Variants in RORA observed in about 807,000 individuals in gnomAD.
RORA encodes the protein RAR related orphan receptor A, also known as nuclear receptor ROR-alpha.
In RORA, 7 loss-of-function variants were observed where a neutral mutation model predicts 69.5. The ratio of observed to expected loss-of-function variants is 0.10; its 90% confidence interval spans 0.06 to 0.19. RORA has a LOEUF of 0.19. Ranked by LOEUF, RORA falls within the 10% of genes least tolerant of loss-of-function variation. RORA has a pLI of 1.00. For missense variants in RORA, 457 were observed against 663.0 expected (o/e 0.69, Z 3.41); for synonymous variants, 261 against 240.8 (o/e 1.08, Z -0.78).
intron 1 of RORA, among the ~76,000 whole-genome samples, chr15:61,004,443 T>A (rs1894849140): frequency 6.6e-6 from 1 of 151,906 alleles, no homozygotes; most frequent in Admixed American, 6.6e-5. Context: ...CATAAGTATT[T>A]CTGCAAGGTC....
chr15:60,902,573 T>C lies in RORA; in HGVS notation c.167-223887A>G, dbSNP rs937244923. ...GTGAATCAGACTCTATCTTGTGTTGTTTTAGAGTCATGTCTACATAGCTGA... is the reference window on the plus strand; with the variant it reads ...GTGAATCAGACTCTATCTTGTGTTGCTTTAGAGTCATGTCTACATAGCTGA... On this transcript the variant is annotated intron_variant, in intron 1 of 10. Transcript: ENST00000335670. 3.9e-5 allele frequency among the ~76,000 whole-genome samples: 6 copies of C among 152,224 alleles called. No homozygotes were observed. In the South Asian group the frequency reaches 1.2e-3, roughly 32 times the overall value.
chr15:60,717,456 A>G (rs571738244), intron 1 of RORA, among the ~76,000 whole-genome samples: 142 of 152,314 alleles, frequency 9.3e-4, no homozygotes, highest in Non-Finnish European at 1.7e-3. Context: ...AGCAGGAAAG[A>G]CTTGAGGGCA....
rs534479999 is a variant in RORA, at chr15:60,915,333, C to T, written c.167-236647G>A. On this transcript the variant is annotated intron_variant, in intron 1 of 10. Coordinates refer to ENST00000335670, the MANE Select transcript of RORA (RefSeq NM_134261.3). ...GAATCCTGGCCACTGCCTCCACAGGCACTCACCTACAGAGTGCTGGCCCTG... is the reference window on the plus strand; with the variant it reads ...GAATCCTGGCCACTGCCTCCACAGGTACTCACCTACAGAGTGCTGGCCCTG... Among the ~76,000 whole-genome samples, 15 of 152,360 alleles carry T rather than the reference C, an allele frequency of 9.8e-5. No homozygotes were observed. In the East Asian group the frequency reaches 2.7e-3, roughly 27 times the overall value.
chr15:61,203,511 G>A (rs1266927504), intron 1 of RORA, among the ~76,000 whole-genome samples: 1 of 152,096 alleles, frequency 6.6e-6, no homozygotes, highest in Non-Finnish European at 1.5e-5. Context: ...CATTCTGAAA[G>A]AACCAAGGAA....
intron 2 of RORA, among the ~76,000 whole-genome samples, chr15:60,613,306 T>G (rs1451879927): frequency 6.6e-6 from 1 of 152,164 alleles, no homozygotes. Flanking sequence ...TCTATTTCCT[T>G]CTCTTTGTTA....
intron 1 of RORA, among the ~76,000 whole-genome samples, chr15:60,758,253 C>T (rs994298391): frequency 9.2e-5 from 14 of 152,150 alleles, no homozygotes; most frequent in Non-Finnish European, 5.9e-5. Flanking sequence ...TTCAGTGACA[C>T]GACCCACTCA....
intron 2 of RORA, among the ~76,000 whole-genome samples, chr15:60,606,173 C>T (rs776209784): frequency 2.6e-5 from 4 of 152,206 alleles, no homozygotes; most frequent in Non-Finnish European, 4.4e-5. Flanking sequence ...TGACTCACAG[C>T]AACCTTCAAA....
intron 1 of RORA, among the ~76,000 whole-genome samples, chr15:60,964,667 C>T (rs543824102): frequency 2.3e-4 from 35 of 152,264 alleles, no homozygotes; most frequent in Non-Finnish European, 3.7e-4. Flanking sequence ...GGTGAGATGT[C>T]CTGCTGGCAC....
intron 1 of RORA, among the ~76,000 whole-genome samples, chr15:60,945,335 G>A (rs1892838426): frequency 6.6e-6 from 1 of 152,164 alleles, no homozygotes. Context: ...ACAAGGCACA[G>A]TGCTGGCTTC....
intron 1 of RORA, among the ~76,000 whole-genome samples, chr15:60,903,616 T>C (rs1312810664): frequency 1.3e-5 from 2 of 152,274 alleles, no homozygotes; most frequent in Non-Finnish European, 2.9e-5. Flanking sequence ...TTTCTCCAAG[T>C]AGTATGCAAT....
Position 60,837,908 on chromosome 15 carries a change from C to T in RORA, c.167-159222G>A, listed in dbSNP as rs142671973. Among the ~76,000 whole-genome samples the T allele has an allele frequency of 3.0e-3, 458 of 152,328 alleles. 6 individuals are homozygous for T. The highest frequency in any genetic ancestry group is 0.011 in the African/African-American group (441 of 41,566). On this transcript the variant is annotated intron_variant, in intron 1 of 10. Coordinates refer to ENST00000335670, the MANE Select transcript of RORA (RefSeq NM_134261.3). ...GAAGGTACAGCCTGAAGGACAAGAG[C>T]TGCCTCCTTCATGTCTGTGTCCTTG... is the stretch of plus-strand genomic sequence containing the variant.
chr15:60,933,455 G>A (rs1368236614), intron 1 of RORA, among the ~76,000 whole-genome samples: 1 of 152,056 alleles, frequency 6.6e-6, no homozygotes, highest in Non-Finnish European at 1.5e-5. Context: ...GATCAAATGC[G>A]ACCTCCTCCT....
intron 2 of RORA, among the ~76,000 whole-genome samples, chr15:60,533,487 T>C (rs1184742034): frequency 7.3e-6 from 1 of 137,592 alleles, no homozygotes; most frequent in Non-Finnish European, 1.5e-5. Context: ...AGAAAAATTC[T>C]TTATGAAATA....
At chr15:60,530,367 C>T (rs1257435931) in intron 3 of RORA, 1 of 152,256 alleles carries the variant, frequency 6.6e-6, no homozygotes, top group African/African-American at 2.4e-5. Flanking sequence ...TCATAGCTCA[C>T]TGTAACCTTG....
intron 1 of RORA, among the ~76,000 whole-genome samples, chr15:60,796,981 G>A (rs1022617561): frequency 6.7e-6 from 1 of 149,128 alleles, no homozygotes; most frequent in African/African-American, 2.4e-5. Flanking sequence ...AATACCATGA[G>A]TAGGTTTATC....
chr15:60,503,185 A>C (rs1409373092), intron 7 of RORA, among the ~76,000 whole-genome samples: 1 of 152,170 alleles, frequency 6.6e-6, no homozygotes, highest in African/African-American at 2.4e-5. Context: ...TATGTACTAA[A>C]ACCAAGAATC....
In RORA at chr15:60,577,600, C is replaced by T. The variant is rs868410661; in HGVS notation, c.197-45749G>A. 1.0e-4 allele frequency among the ~76,000 whole-genome samples: 15 copies of T among 148,278 alleles called. No homozygotes were observed. In the South Asian group the frequency reaches 2.4e-3, roughly 23 times the overall value. On this transcript the variant is annotated intron_variant, in intron 2 of 10. Coordinates refer to ENST00000335670, the MANE Select transcript of RORA (RefSeq NM_134261.3). ...TGGAGGTTGCAGCAAGCCGAGATCG[C>T]GCCACTGTACTCCAGCCTGGGTGAC...
Position 61,229,248 on chromosome 15 carries a change from A to C in RORA, c.-30T>G, listed in dbSNP as rs2080179512. 3 of 1,196,380 alleles carry C rather than the reference A, an allele frequency of 2.5e-6. No individual in the cohort carries two copies. The highest frequency in any genetic ancestry group is 3.2e-6 in the Non-Finnish European group (3 of 948,112). 74.1% of individuals were successfully genotyped at this position (1,196,380 alleles called of 1,614,324 possible). ...TTTCCCAATGTAGAGATCGCTGGAG[A>C]TGGCGAGCTCCGAGACTCCCTCTAT... On this transcript the variant is annotated 5_prime_UTR_variant, in exon 1 of 11. Coordinates refer to ENST00000335670, the MANE Select transcript of RORA (RefSeq NM_134261.3).
In RORA at chr15:60,943,371, T is replaced by C. The variant is rs1240294391; in HGVS notation, c.167-264685A>G. On this transcript the variant is annotated intron_variant, in intron 1 of 10. Coordinates refer to ENST00000335670, the MANE Select transcript of RORA (RefSeq NM_134261.3). The stretch of plus-strand genomic sequence containing the variant: ...TCAATTCTGATTCTATTCAATCTTG[T>C]TCTGGCTCTTGTAGTCACTCTTCTG... Among the ~76,000 whole-genome samples, 6 of 152,140 alleles carry C rather than the reference T, an allele frequency of 3.9e-5. No individual in the cohort carries two copies. The East Asian group carries it at 9.6e-4, about 24-fold the overall frequency.
Sources: allele counts gnomAD v4.1 joint callset (sites outside exome capture counted in the v4.1 genomes callset), GRCh38; gene constraint gnomAD v4.1.1; transcripts MANE v1.5; gene names NCBI Gene and HGNC (gene_info 2026-07-23, HGNC 2026-07-21).